The following IFT172 variants were observed in gnomAD, a reference collection of about 807,000 sequenced individuals.
IFT172 encodes intraflagellar transport protein 172 homolog.
IFT172 carries 164 observed loss-of-function variants against 248.9 expected under a neutral mutation model. That is an observed-to-expected ratio of 0.66 (90% CI 0.58 to 0.75). The LOEUF (loss-of-function observed/expected upper bound fraction) is 0.75. IFT172 is among the 30% of genes least tolerant of loss of function. The pLI, the probability that IFT172 is intolerant of heterozygous loss-of-function variation, is 0.00. For missense variants in IFT172, 1,950 were observed against 2,192.4 expected, an observed-to-expected ratio of 0.89 and a Z score of 2.21; for synonymous variants, 729 against 791.6, an observed-to-expected ratio of 0.92 and a Z score of 1.33.
intron 25 of IFT172, 79 bp from the exon 26 acceptor site, chr2:27,458,947 G>A: frequency 1.6e-5 from 24 of 1,479,134 alleles, no homozygotes; most frequent in Non-Finnish European, 2.2e-5. Flanking sequence ...AACAAACCTT[G>A]GCTGGGATGG....
intron 7 of IFT172, 135 bp downstream of exon 7, chr2:27,483,154 C>T: frequency 1.6e-6 from 1 of 619,382 alleles, no homozygotes; most frequent in Non-Finnish European, 2.9e-6. Flanking sequence ...CAGGCCCATG[C>T]CACCATGCCC....
chr2:27,476,862 G>T (rs536753644), intron 13 of IFT172, 136 bp from the exon 14 acceptor site: 1 of 633,166 alleles, frequency 1.6e-6, no homozygotes, highest in African/African-American at 1.9e-5. Flanking sequence ...CACTCTGGTT[G>T]CCAAAGCTGA....
chr2:27,477,643 T>C (rs1558405916), intron 11 of IFT172, 31 bp from the exon 12 acceptor site: 1 of 1,444,866 alleles, frequency 6.9e-7, no homozygotes, highest in Non-Finnish European at 9.8e-7. Flanking sequence ...AGAAGCAATG[T>C]GGATAAATAC....
At position 27,447,528 on chromosome 2, in the gene IFT172, C is replaced by T; in HGVS notation, c.4646G>A (p.Ser1549Asn). The T allele has an allele frequency of 1.2e-6, 2 of 1,614,100 alleles. No homozygotes were observed. Among genetic ancestry groups the T allele is most frequent in the Non-Finnish European group, 1.7e-6 (2 of 1,179,960 alleles). The change falls in exon 42 of 48, where the codon AGT (serine) becomes AAT (asparagine). Residue 1549 changes from serine (S) to asparagine (N), a missense_variant. By Grantham distance (46) the Ser-to-Asn change is conservative (BLOSUM62 1). This residue lies in a region of IFT172 where 620 missense variants were observed against 699.0 expected (regional missense o/e 0.89). Coordinates refer to ENST00000260570, the MANE Select transcript of IFT172 (RefSeq NM_015662.3). ...HYYATRSAAQSVKQLETVAAR... is the reference protein window; with the variant it reads ...HYYATRSAAQNVKQLETVAAR... ...CCTACATCTCACCAGCTGTTTGACA[C>T]TCTGGGCTGCAGAGCGCGTGGCATA... is the stretch of plus-strand genomic sequence containing the variant.
At chr2:27,480,178 A>G in intron 8 of IFT172, 29 bp from the exon 9 acceptor site, 1 of 1,606,244 alleles carries the variant, frequency 6.2e-7, no homozygotes, top group Non-Finnish European at 8.5e-7. Context: ...CTTTTAGAAG[A>G]GATTGAGGCT....
chr2:27,489,629 G>A lies in IFT172; in HGVS notation c.25C>T (p.Leu9=). ...CAATTCCTCACCTGAGGGCTCAGCAGGGTCCTCAGGTGCTTCAAGTGCATG... is the reference window on the plus strand; with the variant it reads ...CAATTCCTCACCTGAGGGCTCAGCAAGGTCCTCAGGTGCTTCAAGTGCATG... The part of the protein sequence containing the change: MHLKHLRT[L]LSPQDGAAKV... Residue 9 remains leucine (L), a synonymous_variant, in exon 1 of 48, where the codon CTG becomes TTG. Coordinates refer to ENST00000260570, the MANE Select transcript of IFT172 (RefSeq NM_015662.3). 6.2e-7 allele frequency: 1 copy of A among 1,612,792 alleles called. No individual in the cohort carries two copies. The highest frequency in any genetic ancestry group is 8.5e-7 in the Non-Finnish European group (1 of 1,178,944).
At chr2:27,447,990 G>T in intron 40 of IFT172, 68 bp from the exon 41 acceptor site, 1 of 958,662 alleles carries the variant, frequency 1.0e-6, no homozygotes, top group Non-Finnish European at 1.7e-6. Flanking sequence ...TGGAAGTGGG[G>T]CCAAAGGGAG....
In IFT172 at chr2:27,454,999, G is replaced by T. The variant is rs866004685; in HGVS notation, c.3372-339C>A. Among the ~76,000 whole-genome samples, 3 of 152,164 alleles carry T rather than the reference G, an allele frequency of 2.0e-5. No individual in the cohort carries two copies. In the East Asian group the frequency reaches 5.8e-4, roughly 29 times the overall value. On this transcript the variant is annotated intron_variant, in intron 30 of 47. Transcript: ENST00000260570. This position sits in a 1 kb window ranked among gnomAD's most constrained non-coding sequence, Gnocchi z 4.2. ...TGACAGGGCTAGGAGGGCTCCTGGT[G>T]CTCTCCATCTCTTCCTGAGCCCCAG...
intron 9 of IFT172, 29 bp from the exon 10 acceptor site, chr2:27,479,633 TCA>T (rs1213304911): frequency 7.4e-7 from 1 of 1,350,726 alleles, no homozygotes; most frequent in South Asian, 1.2e-5. Flanking sequence ...GCATAAAAGG[TCA>T]CACACATAGT....
rs1453412968 is a variant in IFT172, at chr2:27,457,913, A to T, written c.3039T>A (p.Tyr1013Ter). The change falls in exon 28 of 48, where the codon TAT (tyrosine) becomes TAA (stop). Residue 1013 changes from tyrosine to a stop codon, truncating the protein, a stop_gained. Coordinates refer to ENST00000260570, the MANE Select transcript of IFT172 (RefSeq NM_015662.3). LOFTEE classifies it high-confidence loss of function. ...AITMYKKHKLYDDMIRLVGKH... is the reference protein window; with the variant it reads ...AITMYKKHKL ...TCCCTACCAGGCGGATCATGTCATC[A>T]TACAACTTGTGCTTTTTGTACATGG... The T allele has an allele frequency of 6.2e-7, 1 of 1,614,080 alleles. No homozygotes were observed.
intron 18 of IFT172, among the ~76,000 whole-genome samples, chr2:27,464,113 A>G (rs1471286600): frequency 6.6e-6 from 1 of 152,216 alleles, no homozygotes; most frequent in Non-Finnish European, 1.5e-5. Flanking sequence ...TGCAGGTGGG[A>G]GACGGCAGTG....
intron 18 of IFT172, chr2:27,465,115 T>C (rs1241666391): frequency 6.4e-6 from 2 of 313,344 alleles, no homozygotes; most frequent in Middle Eastern, 9.5e-4. Flanking sequence ...AGAGACGGGG[T>C]TTCACCATGT....
At chr2:27,475,113 A>G (rs1030929054) in intron 14 of IFT172, among the ~76,000 whole-genome samples, 4 of 152,232 alleles carry the variant, frequency 2.6e-5, no homozygotes, top group Non-Finnish European at 4.4e-5. Flanking sequence ...GTCAATAATT[A>G]TTATATATGA....
At chr2:27,455,702 C>T (rs1207471594) in intron 30 of IFT172, 1 of 328,376 alleles carries the variant, frequency 3.0e-6, no homozygotes, top group Non-Finnish European at 5.8e-6. Context: ...CAGAGCGAGA[C>T]TCTGTCTCAG....
chr2:27,475,948 A>G (rs2148539669), intron 14 of IFT172, among the ~76,000 whole-genome samples: 1 of 152,112 alleles, frequency 6.6e-6, no homozygotes, highest in South Asian at 2.1e-4. Context: ...CCCATTTTTA[A>G]CAGCTACATT....
chr2:27,472,012 T>G (rs528603933), intron 15 of IFT172: 7 of 566,272 alleles, frequency 1.2e-5, no homozygotes, highest in Admixed American at 6.2e-5. Flanking sequence ...CACTCCAGCC[T>G]GGGTGACAGA....
chr2:27,464,773 A>G (rs906852373), intron 18 of IFT172, among the ~76,000 whole-genome samples: 3 of 152,052 alleles, frequency 2.0e-5, no homozygotes, highest in Admixed American at 6.6e-5. Flanking sequence ...GCGCATCACC[A>G]TGCCCGGCTA....
chr2:27,480,515 G>A (rs1668281714), intron 8 of IFT172, among the ~76,000 whole-genome samples: 1 of 152,166 alleles, frequency 6.6e-6, no homozygotes, highest in African/African-American at 2.4e-5. Flanking sequence ...AGACAGGACT[G>A]ATAAAGCTGG....
chr2:27,446,536 C>G (rs1157091383), intron 42 of IFT172, 181 bp from the exon 43 acceptor site: 1 of 554,590 alleles, frequency 1.8e-6, no homozygotes, highest in Non-Finnish European at 3.2e-6. Context: ...ACACCTGGGC[C>G]TAGGTTCAAT....
Sources: gnomAD v4.1 joint callset for allele counts (sites outside exome capture counted in the v4.1 genomes callset) on GRCh38, gnomAD v4.1.1 for gene constraint, gnomAD v4.1.1 regional missense constraint, Gnocchi (gnomAD v3.1) non-coding constraint, MANE v1.5 for transcripts, NCBI Gene and HGNC (gene_info 2026-07-23, HGNC 2026-07-21) for gene names.